The following KCNK1 variants were observed in gnomAD, a reference collection of about 807,000 sequenced individuals.
KCNK1 encodes potassium two pore domain channel subfamily K member 1.
Under a neutral mutation model 22.2 loss-of-function variants are expected in KCNK1, and 10 were observed. The observed-to-expected ratio is 0.45, with a 90% CI of 0.28 to 0.76. The LOEUF (loss-of-function observed/expected upper bound fraction) is 0.76. Ranked by LOEUF, KCNK1 falls within the 30% of genes least tolerant of loss-of-function variation. KCNK1 has a pLI of 0.14. For synonymous variants in KCNK1, 200 were observed against 186.4 expected (o/e 1.07, Z -0.60); for missense variants, 378 against 421.0 (o/e 0.90, Z 0.89).
rs1021358351 is a variant in KCNK1, at chr1:233,636,717, T to G, written c.355+22191T>G. The G allele has an allele frequency of 3.3e-5, 5 of 150,346 alleles. No individual in the cohort carries two copies. In the Middle Eastern group the frequency reaches 0.017, roughly 511 times the overall value. The allele number at this position is 150,346 out of a possible 1,614,324, so 9.3% of individuals were successfully genotyped here. A position where few individuals can be genotyped will look rare whatever the true frequency, so the allele number is the denominator to read the frequency against. ...ACAGGGAGGAATCGGATCACAAGAC[T>G]GGGGGGTGGTTAGTGATGTCATAGG... is the stretch of plus-strand genomic sequence containing the variant. On this transcript the variant is annotated intron_variant, in intron 1 of 2. Coordinates refer to ENST00000366621, the MANE Select transcript of KCNK1 (RefSeq NM_002245.4).
intron 1 of KCNK1, among the ~76,000 whole-genome samples, chr1:233,649,300 T>TA (rs1658157799): frequency 2.6e-5 from 4 of 152,238 alleles, no homozygotes. Flanking sequence ...CTTAAGTATC[T>TA]AGACTAGAAA....
intron 1 of KCNK1, among the ~76,000 whole-genome samples, chr1:233,657,830 T>A (rs1422775571): frequency 6.6e-6 from 1 of 151,246 alleles, no homozygotes; most frequent in South Asian, 2.1e-4. Context: ...TTTTTTTTTT[T>A]ATCACTTTGA....
chr1:233,660,963 G>A lies in KCNK1; in HGVS notation c.356-5632G>A, dbSNP rs1356275331. 3.9e-5 allele frequency among the ~76,000 whole-genome samples: 6 copies of A among 152,130 alleles called. No homozygotes were observed. In the South Asian group the frequency reaches 6.2e-4, roughly 16 times the overall value. On this transcript the variant is annotated intron_variant, in intron 1 of 2. Transcript: ENST00000366621. ...TTATTTGTATGACTTTGAGCAAATT[G>A]TCTAAACTCTCAAATACTCAGTCTT...
chr1:233,662,226 T>G lies in KCNK1; in HGVS notation c.356-4369T>G, dbSNP rs61824322. ...TTCTTTCGTAGCTGCTGCTGCTGCTTCTTCTTCTTCTCCTTCTTCTTCTTC... is the reference window on the plus strand; with the variant it reads ...TTCTTTCGTAGCTGCTGCTGCTGCTGCTTCTTCTTCTCCTTCTTCTTCTTC... On this transcript the variant is annotated intron_variant, in intron 1 of 2. Transcript: ENST00000366621. 9.7e-3 allele frequency among the ~76,000 whole-genome samples: 1,349 copies of G among 138,518 alleles called. 13 individuals carry two copies. Among genetic ancestry groups the G allele is most frequent in the Non-Finnish European group, 0.013 (865 of 64,500 alleles). 90.9% of individuals were successfully genotyped at this position (138,518 alleles called of 152,430 possible).
intron 1 of KCNK1, among the ~76,000 whole-genome samples, chr1:233,617,247 A>G (rs898958519): frequency 2.6e-5 from 4 of 152,204 alleles, no homozygotes; most frequent in Non-Finnish European, 4.4e-5. Context: ...TCACCCCAGA[A>G]TGTACAAACT....
chr1:233,668,034 AAC>A, intron 2 of KCNK1, among the ~76,000 whole-genome samples: 1 of 152,332 alleles, frequency 6.6e-6, no homozygotes, highest in Non-Finnish European at 1.5e-5. Context: ...ATAATTTTTT[AAC>A]AGTTTTCATT....
At chr1:233,650,122 C>A (rs1658173758) in intron 1 of KCNK1, 1 of 489,612 alleles carries the variant, frequency 2.0e-6, no homozygotes, top group South Asian at 1.5e-5. Flanking sequence ...ACCTACAGTT[C>A]TCACCAACCT....
At chr1:233,639,132 A>G (rs1657961914) in intron 1 of KCNK1, among the ~76,000 whole-genome samples, 1 of 152,228 alleles carries the variant, frequency 6.6e-6, no homozygotes, top group African/African-American at 2.4e-5. Context: ...TTTCACTCAT[A>G]TGATCCTGAA....
At chr1:233,614,672 A>T in intron 1 of KCNK1, 146 bp downstream of exon 1, 1 of 578,804 alleles carries the variant, frequency 1.7e-6, no homozygotes, top group Non-Finnish European at 2.8e-6. Context: ...GCCTCCCCTC[A>T]CTGTCCTCCC....
rs1558119295 is a variant in KCNK1, at chr1:233,662,268, T to TC, written c.356-4326dup. On this transcript the variant is annotated intron_variant, in intron 1 of 2. Coordinates refer to ENST00000366621, the MANE Select transcript of KCNK1 (RefSeq NM_002245.4). ...TTCTTCTTCTTCTTCTTCTTCTTCTTCTTCTCCTCCTCCTCCTCCTCTTCC... is the reference window on the plus strand; with the variant it reads ...TTCTTCTTCTTCTTCTTCTTCTTCTTCCTTCTCCTCCTCCTCCTCCTCTTCC... 7.7e-3 allele frequency among the ~76,000 whole-genome samples: 1,023 copies of TC among 132,420 alleles called. 31 individuals carry two copies. The East Asian group carries it at 0.097, about 13-fold the overall frequency. 86.9% of individuals were successfully genotyped at this position (132,420 alleles called of 152,430 possible). A position where few individuals can be genotyped will look rare whatever the true frequency, so the allele number is the denominator to read the frequency against.
chr1:233,666,767 G>T lies in KCNK1; in HGVS notation c.528G>T (p.Lys176Asn). 6.2e-7 allele frequency: 1 copy of T among 1,614,198 alleles called. No individual in the cohort carries two copies. Among genetic ancestry groups the T allele is most frequent in the African/African-American group, 1.3e-5 (1 of 75,056 alleles). ...TCCACATCCGCTGGGGCTTCTCCAA[G>T]CAGGTGGTGGCCATCGTCCATGCCG... ...LYFHIRWGFSKQVVAIVHAVL... is the reference protein window; with the variant it reads ...LYFHIRWGFSNQVVAIVHAVL... The change falls in exon 2 of 3, where the codon AAG becomes AAT. Residue 176 changes from lysine (K) to asparagine (N), a missense_variant. Physicochemically the swap from Lys to Asn is moderately conservative, Grantham distance 94. Coordinates refer to ENST00000366621, the MANE Select transcript of KCNK1 (RefSeq NM_002245.4).
chr1:233,653,781 C>T (rs186313236), intron 1 of KCNK1, among the ~76,000 whole-genome samples: 18 of 151,896 alleles, frequency 1.2e-4, no homozygotes, highest in South Asian at 6.2e-4. Flanking sequence ...TGCTGGCTTC[C>T]GTAATTGGAT....
chr1:233,615,246 G>A (rs1221831271), intron 1 of KCNK1, among the ~76,000 whole-genome samples: 1 of 152,204 alleles, frequency 6.6e-6, no homozygotes, highest in African/African-American at 2.4e-5. Context: ...CTTAATTGGG[G>A]CACCCTGATT....
At position 233,632,587 on chromosome 1, in the gene KCNK1, A is replaced by G. The variant is rs558560127; in HGVS notation, c.355+18061A>G. Reference sequence around the variant, plus strand: ...TGATCTCTGTTGTGTGGGCTTCACAAGGGGCTCTGGTTCAGTGATTCCAGT... The same window carrying G: ...TGATCTCTGTTGTGTGGGCTTCACAGGGGGCTCTGGTTCAGTGATTCCAGT... On this transcript the variant is annotated intron_variant, in intron 1 of 2. Transcript: ENST00000366621. Among the ~76,000 whole-genome samples, 738 of 152,168 alleles carry G rather than the reference A, an allele frequency of 4.8e-3. 6 individuals are homozygous for G. Among genetic ancestry groups the G allele is most frequent in the Admixed American group, 5.2e-3 (79 of 15,286 alleles).
At chr1:233,631,460 G>T in intron 1 of KCNK1, 1 of 370,488 alleles carries the variant, frequency 2.7e-6, no homozygotes. Context: ...TCCCGTTTGT[G>T]CCCTGGTATC....
At chr1:233,658,206 C>G (rs1381706729) in intron 1 of KCNK1, among the ~76,000 whole-genome samples, 1 of 151,982 alleles carries the variant, frequency 6.6e-6, no homozygotes, top group Non-Finnish European at 1.5e-5. Flanking sequence ...GAAAAGAAAC[C>G]ATACAGAAAT....
At chr1:233,625,215 G>A (rs975875281) in intron 1 of KCNK1, among the ~76,000 whole-genome samples, 24 of 152,144 alleles carry the variant, frequency 1.6e-4, no homozygotes, top group Admixed American at 3.3e-4. Flanking sequence ...AAGACCAAGC[G>A]GGGAAGCCCA....
intron 1 of KCNK1, among the ~76,000 whole-genome samples, chr1:233,623,349 A>G (rs2102883183): frequency 6.6e-6 from 1 of 152,320 alleles, no homozygotes; most frequent in East Asian, 1.9e-4. Context: ...GATAGGAGGA[A>G]TAAGTTCTGG....
intron 1 of KCNK1, among the ~76,000 whole-genome samples, chr1:233,638,874 G>A (rs975387997): frequency 6.6e-6 from 1 of 152,208 alleles, no homozygotes; most frequent in Non-Finnish European, 1.5e-5. Flanking sequence ...TTGGCTCTGT[G>A]GGGTAGTGTG....
Sources: gnomAD v4.1 joint callset for allele counts (sites outside exome capture counted in the v4.1 genomes callset) on GRCh38, gnomAD v4.1.1 for gene constraint, MANE v1.5 for transcripts, NCBI Gene and HGNC (gene_info 2026-07-23, HGNC 2026-07-21) for gene names.